The following TCF20 variants were observed in gnomAD, a reference collection of about 807,000 sequenced individuals.
The protein encoded by TCF20 is SPRE-binding protein.
A neutral mutation model predicts 148.6 loss-of-function variants in TCF20; 3 were observed. That is an observed-to-expected ratio of 0.02 (90% CI 0.01 to 0.05). The LOEUF is 0.05. Ranked by LOEUF, TCF20 falls within the 10% of genes least tolerant of loss-of-function variation. The pLI, the probability that TCF20 is intolerant of heterozygous loss-of-function variation, is 1.00. For synonymous variants in TCF20, 1,049 were observed against 909.5 expected, an observed-to-expected ratio of 1.15 and a Z score of -2.76; for missense variants, 2,350 against 2,429.3, an observed-to-expected ratio of 0.97 and a Z score of 0.69.
chr22:42,288,925 C>A (rs1353106229), upstream of TCF20, among the ~76,000 whole-genome samples: 1 of 152,212 alleles, frequency 6.6e-6, no homozygotes, highest in African/African-American at 2.4e-5. Flanking sequence ...TCCACACTGC[C>A]ACTTTGGTGC....
intron 1 of TCF20, among the ~76,000 whole-genome samples, chr22:42,235,158 AG>A (rs1335559391): frequency 0.034 from 5,186 of 150,726 alleles, 271 homozygotes; most frequent in African/African-American, 0.12. Flanking sequence ...AAAAAAAAAA[AG>A]AACTTTGTAA....
chr22:42,339,952 T>A (rs1928135313), intron 1 of TCF20, among the ~76,000 whole-genome samples: 1 of 151,488 alleles, frequency 6.6e-6, no homozygotes, highest in African/African-American at 2.4e-5. Context: ...GAAGGGGGCC[T>A]CAGTCCCTGC....
intron 2 of TCF20, among the ~76,000 whole-genome samples, chr22:42,181,518 G>A (rs1936771590): frequency 6.6e-6 from 1 of 151,958 alleles, no homozygotes; most frequent in Non-Finnish European, 1.5e-5. Context: ...GGCCATTTAG[G>A]AATGGGTATG....
chr22:42,329,853 G>T (rs575449004), intron 1 of TCF20, among the ~76,000 whole-genome samples: 1 of 152,218 alleles, frequency 6.6e-6, no homozygotes, highest in African/African-American at 2.4e-5. Flanking sequence ...AAAGCCAAGT[G>T]GGAAAGTGTG....
At position 42,294,318 on chromosome 22, in the gene TCF20, G is replaced by C. The variant is rs743844; in HGVS notation, c.-37+49161C>G. 5.0e-3 allele frequency among the ~76,000 whole-genome samples: 767 copies of C among 152,354 alleles called. 10 individuals carry two copies. The highest frequency in any genetic ancestry group is 0.018 in the African/African-American group (736 of 41,580). Reference sequence around the variant, plus strand: ...CCCTAGCCCCCTCTCCCGGAGGACAGATAATTCTCTTGCTCTCCCAGCCTG... The same window carrying C: ...CCCTAGCCCCCTCTCCCGGAGGACACATAATTCTCTTGCTCTCCCAGCCTG... On this transcript the variant is annotated intron_variant, in intron 1 of 1. Coordinates refer to the TCF20 transcript ENST00000515426.
chr22:42,301,785 C>T (rs373471938), intron 1 of TCF20, among the ~76,000 whole-genome samples: 28 of 152,324 alleles, frequency 1.8e-4, no homozygotes, highest in Non-Finnish European at 2.2e-4. Flanking sequence ...TCACTGCCAG[C>T]GGGCAAAACC....
At chr22:42,245,344 T>C (rs761244698) in intron 1 of TCF20, among the ~76,000 whole-genome samples, 9 of 152,134 alleles carry the variant, frequency 5.9e-5, no homozygotes, top group East Asian at 1.9e-4. Context: ...TAGCATCCCA[T>C]TGTAGGCGTC....
At chr22:42,274,426 T>G (rs1238679299), upstream of TCF20, 2 of 152,266 alleles carry the variant, frequency 1.3e-5, no homozygotes, top group Non-Finnish European at 2.9e-5. Flanking sequence ...TCAGAACAGT[T>G]CTTTCTGGGG....
rs188189383 is a variant in TCF20 at position 42,179,676 on chromosome 22, G to A, written c.5682C>T (p.Gly1894=). 1.4e-4 allele frequency: 230 copies of A among 1,613,876 alleles called. No homozygotes were observed. In the East Asian group the frequency reaches 4.4e-3, roughly 31 times the overall value. ...EMKCSHCQEA[G]ATLGCYNKGC... ...CTTTGTTGTAGCAGCCCAAGGTGGCGCCTGCCTCCTGGCAGTGGGAACATT... is the reference window on the plus strand; with the variant it reads ...CTTTGTTGTAGCAGCCCAAGGTGGCACCTGCCTCCTGGCAGTGGGAACATT... The change falls in exon 3 of 6, where the codon GGC becomes GGT. Residue 1894 remains glycine (G), a synonymous_variant. Coordinates refer to ENST00000677622, the MANE Select transcript of TCF20 (RefSeq NM_001378418.1).
intron 2 of TCF20, among the ~76,000 whole-genome samples, chr22:42,206,444 A>G (rs1359148983): frequency 6.6e-6 from 1 of 152,180 alleles, no homozygotes; most frequent in Non-Finnish European, 1.5e-5. Context: ...AAATACTGTG[A>G]CTTTCCAAGG....
chr22:42,211,864 G>A lies in TCF20; in HGVS notation c.3442C>T (p.Pro1148Ser), dbSNP rs1337394156. The change falls in exon 2 of 6, where the codon CCA (proline) becomes TCA (serine). Residue 1148 changes from proline (P) to serine (S), a missense_variant. Physicochemically the swap from Pro to Ser is moderately conservative, Grantham distance 74. Transcript: ENST00000677622. ...CTGGGGTCATGGTAAGTCCCCACTG[G>A]TGGGCCATACATCATACCATCTTTG... ...NDKDGMMYGPPVGTYHDPSAQ... is the reference protein window; with the variant it reads ...NDKDGMMYGPSVGTYHDPSAQ... 4 of 1,614,038 alleles carry A rather than the reference G, an allele frequency of 2.5e-6. No individual in the cohort carries two copies. The highest frequency in any genetic ancestry group is 3.4e-6 in the Non-Finnish European group (4 of 1,180,050).
At chr22:42,175,250 T>G (rs574971492) in intron 3 of TCF20, among the ~76,000 whole-genome samples, 1 of 152,318 alleles carries the variant, frequency 6.6e-6, no homozygotes, top group African/African-American at 2.4e-5. Context: ...AGGCTGAACT[T>G]GAACTCCTGG....
intron 1 of TCF20, among the ~76,000 whole-genome samples, chr22:42,325,019 G>A (rs1927849057): frequency 6.6e-6 from 1 of 152,242 alleles, no homozygotes; most frequent in Non-Finnish European, 1.5e-5. Context: ...AGACCCGGAT[G>A]CTCCCTCTTT....
At chr22:42,174,234 T>C (rs1359999208) in intron 3 of TCF20, among the ~76,000 whole-genome samples, 2 of 152,130 alleles carry the variant, frequency 1.3e-5, no homozygotes, top group Non-Finnish European at 2.9e-5. Flanking sequence ...AAAAAAAAAT[T>C]CATTTCCTCA....
intron 5 of TCF20, 72 bp downstream of exon 5, chr22:42,168,537 G>T: frequency 6.6e-7 from 1 of 1,525,282 alleles, no homozygotes; most frequent in South Asian, 1.2e-5. Context: ...CATAGAGCGA[G>T]CAGGAGGGCA....
intron 1 of TCF20, among the ~76,000 whole-genome samples, chr22:42,248,308 T>TA (rs1264318632): frequency 1.3e-5 from 2 of 152,212 alleles, no homozygotes; most frequent in East Asian, 3.8e-4. Context: ...TGAAGCCACA[T>TA]AGAGTTGCAT....
intron 1 of TCF20, among the ~76,000 whole-genome samples, chr22:42,243,933 GGA>G (rs1336703103): frequency 3.3e-5 from 5 of 152,112 alleles, no homozygotes; most frequent in Non-Finnish European, 1.5e-5. Flanking sequence ...GTGATGATGT[GGA>G]GAGACTGGAA....
intron 5 of TCF20, among the ~76,000 whole-genome samples, chr22:42,163,297 G>A (rs983551254): frequency 6.6e-6 from 1 of 152,196 alleles, no homozygotes; most frequent in South Asian, 2.1e-4. Context: ...GCGCGTGGTG[G>A]CCCAGGCAGC....
rs2147046781 is a variant in TCF20 at position 42,317,373 on chromosome 22, T to C, written c.-37+26106A>G. On this transcript the variant is annotated intron_variant, in intron 1 of 1. Transcript: ENST00000515426. This position sits in a 1 kb window ranked among gnomAD's most constrained non-coding sequence, Gnocchi z 4.2. ...AGTCTCCCTAGAGTGCGTGTTTATGTGTGTGGTGGGGAAGGAGGGGCGGCG... is the reference window on the plus strand; with the variant it reads ...AGTCTCCCTAGAGTGCGTGTTTATGCGTGTGGTGGGGAAGGAGGGGCGGCG... Among the ~76,000 whole-genome samples the C allele has an allele frequency of 1.3e-5, 2 of 152,264 alleles. No individual in the cohort carries two copies. The highest frequency in any genetic ancestry group is 1.9e-4 in the East Asian group (1 of 5,176).
Sources: allele counts gnomAD v4.1 joint callset (sites outside exome capture counted in the v4.1 genomes callset), GRCh38; gene constraint gnomAD v4.1.1; non-coding constraint Gnocchi (gnomAD v3.1); transcripts MANE v1.5; gene names NCBI Gene and HGNC (gene_info 2026-07-23, HGNC 2026-07-21).